SCLT1: variants seen among roughly 807,000 people sequenced by gnomAD.
SCLT1 encodes the protein sodium channel and clathrin linker 1, also known as sodium channel-associated protein 1.
Under a neutral mutation model 112.8 loss-of-function variants are expected in SCLT1, and 78 were observed. The observed-to-expected ratio is 0.69, with a 90% CI of 0.58 to 0.83. The LOEUF is 0.83. SCLT1 is among the 40% of genes least tolerant of loss of function. The probability of loss-of-function intolerance (pLI) is 0.00; values close to 1 mark genes in which losing one functional copy is unlikely to be tolerated. For missense variants in SCLT1, 747 were observed against 770.4 expected, an observed-to-expected ratio of 0.97 and a Z score of 0.36; for synonymous variants, 257 against 254.7, an observed-to-expected ratio of 1.01 and a Z score of -0.09.
At chr4:128,923,444 C>CAA (rs35945474) in intron 18 of SCLT1, among the ~76,000 whole-genome samples, 1,385 of 80,708 alleles carry the variant, frequency 0.017, 50 homozygotes, top group African/African-American at 0.041. Flanking sequence ...GACTCCATCT[C>CAA]AAAAAAAAAA....
At position 129,093,513 on chromosome 4, in the gene SCLT1, G is replaced by A. The variant is rs1186923700; in HGVS notation, c.-410C>T. The A allele has an allele frequency of 5.4e-6, 1 of 185,220 alleles. No homozygotes were observed. The highest frequency in any genetic ancestry group is 2.3e-5 in the African/African-American group (1 of 42,654). 11.5% of individuals were successfully genotyped at this position (185,220 alleles called of 1,614,324 possible). On this transcript the variant is annotated 5_prime_UTR_variant, in exon 1 of 21. Transcript: ENST00000281142. Reference sequence around the variant, plus strand: ...GGAGAGGACAACGCCAAGACGGCTGGGAAGCCCCAGGCCAGCAGCGGAAGT... The same window carrying A: ...GGAGAGGACAACGCCAAGACGGCTGAGAAGCCCCAGGCCAGCAGCGGAAGT...
At chr4:129,055,720 G>A (rs1256798947) in intron 2 of SCLT1, among the ~76,000 whole-genome samples, 1 of 152,032 alleles carries the variant, frequency 6.6e-6, no homozygotes, top group East Asian at 1.9e-4. Flanking sequence ...CCATGGGAGT[G>A]GGACTCACTG....
intron 5 of SCLT1, among the ~76,000 whole-genome samples, chr4:129,013,711 C>T (rs1322047197): frequency 6.6e-6 from 1 of 152,090 alleles, no homozygotes; most frequent in East Asian, 1.9e-4. Context: ...TAGGTGACCT[C>T]ATCTTTCTCT....
At chr4:129,087,446 C>T (rs1752488730) in intron 1 of SCLT1, among the ~76,000 whole-genome samples, 1 of 151,118 alleles carries the variant, frequency 6.6e-6, no homozygotes, top group African/African-American at 2.4e-5. Flanking sequence ...ATGAGGCTGG[C>T]ATTACCTGAT....
rs76710978 is a variant in SCLT1, at chr4:129,072,096, A to C, written c.102+10210T>G. Reference sequence around the variant, plus strand: ...GATGCTTAGTTTAGCTAGATATAAAATCTTGGCTGATAATTGTTTTGTCCG... The same window carrying C: ...GATGCTTAGTTTAGCTAGATATAAACTCTTGGCTGATAATTGTTTTGTCCG... On this transcript the variant is annotated intron_variant, in intron 2 of 20. Coordinates refer to ENST00000281142, the MANE Select transcript of SCLT1 (RefSeq NM_144643.4). Among the ~76,000 whole-genome samples the C allele has an allele frequency of 8.0e-3, 1,211 of 152,276 alleles. 15 individuals are homozygous for C. The highest frequency in any genetic ancestry group is 0.028 in the African/African-American group (1,162 of 41,572).
In SCLT1 at chr4:129,054,322, T is replaced by A. The variant is rs184400011; in HGVS notation, c.103-10271A>T. 5.0e-3 allele frequency among the ~76,000 whole-genome samples: 768 copies of A among 152,316 alleles called. 10 individuals are homozygous for A. Among genetic ancestry groups the A allele is most frequent in the African/African-American group, 0.017 (701 of 41,568 alleles). ...CCTTGCTAGGTTGGAGAAGTTCTCC[T>A]GGATAATATCCTGAAGAGTGTTTTC... is the stretch of plus-strand genomic sequence containing the variant. On this transcript the variant is annotated intron_variant, in intron 2 of 20. Transcript: ENST00000281142.
At chr4:129,015,763 C>A (rs1219739347) in intron 5 of SCLT1, among the ~76,000 whole-genome samples, 1 of 152,106 alleles carries the variant, frequency 6.6e-6, no homozygotes, top group African/African-American at 2.4e-5. Flanking sequence ...TCACCCATTC[C>A]CCCGGAGCCA....
At chr4:129,003,010 A>G (rs948912798) in intron 6 of SCLT1, among the ~76,000 whole-genome samples, 1 of 152,192 alleles carries the variant, frequency 6.6e-6, no homozygotes, top group African/African-American at 2.4e-5. Context: ...TACTATTCAC[A>G]ATAGCAAAGA....
intron 16 of SCLT1, among the ~76,000 whole-genome samples, chr4:128,943,780 T>C (rs996073006): frequency 6.6e-6 from 1 of 152,142 alleles, no homozygotes; most frequent in African/African-American, 2.4e-5. Context: ...TTAATGTTGC[T>C]TCAAATCAAT....
intron 9 of SCLT1, among the ~76,000 whole-genome samples, chr4:128,974,117 G>A (rs1740942438): frequency 6.6e-6 from 1 of 152,024 alleles, no homozygotes; most frequent in African/African-American, 2.4e-5. Flanking sequence ...ACATATTAAA[G>A]CATTTAATAA....
In SCLT1 at chr4:129,050,098, C is replaced by T. The variant is rs183552158; in HGVS notation, c.103-6047G>A. Among the ~76,000 whole-genome samples the T allele has an allele frequency of 5.8e-4, 89 of 152,200 alleles. 1 individual carries two copies. In the East Asian group the frequency reaches 0.013, roughly 22 times the overall value. On this transcript the variant is annotated intron_variant, in intron 2 of 20. Coordinates refer to ENST00000281142, the MANE Select transcript of SCLT1 (RefSeq NM_144643.4). Reference sequence around the variant, plus strand: ...TCTTTTTTATGGCTGCATAGTATTCCGTGGTGTATATGTGCCCCATTTTCT... The same window carrying T: ...TCTTTTTTATGGCTGCATAGTATTCTGTGGTGTATATGTGCCCCATTTTCT...
chr4:129,090,829 C>T lies in SCLT1; in HGVS notation c.34+2241G>A, dbSNP rs773022040. Among the ~76,000 whole-genome samples the T allele has an allele frequency of 4.2e-4, 64 of 152,208 alleles. 1 individual carries two copies. The highest frequency in any genetic ancestry group is 1.2e-4 in the Non-Finnish European group (8 of 68,046). On this transcript the variant is annotated intron_variant, in intron 1 of 20. Coordinates refer to ENST00000281142, the MANE Select transcript of SCLT1 (RefSeq NM_144643.4). ...GCACAGCAAATATGCTACAAGCTTACTCTACTAGTAGCCTGGTTGAGTGTG... is the reference window on the plus strand; with the variant it reads ...GCACAGCAAATATGCTACAAGCTTATTCTACTAGTAGCCTGGTTGAGTGTG...
chr4:128,927,094 A>T (rs986387379), intron 18 of SCLT1, among the ~76,000 whole-genome samples: 1 of 152,128 alleles, frequency 6.6e-6, no homozygotes, highest in Non-Finnish European at 1.5e-5. Flanking sequence ...AAATCCCAAT[A>T]TATTTTGAAT....
chr4:128,898,497 C>T (rs994331470), intron 18 of SCLT1, among the ~76,000 whole-genome samples: 3 of 151,902 alleles, frequency 2.0e-5, no homozygotes, highest in African/African-American at 7.3e-5. Context: ...CACAACATAC[C>T]AGAATCTCTG....
intron 18 of SCLT1, among the ~76,000 whole-genome samples, chr4:128,930,648 TGGC>T (rs2125974648): frequency 6.6e-6 from 1 of 152,294 alleles, no homozygotes; most frequent in African/African-American, 2.4e-5. Context: ...GAGTCAAAGA[TGGC>T]TATAAGGTTT....
intron 19 of SCLT1, among the ~76,000 whole-genome samples, chr4:128,889,722 A>T (rs965492641): frequency 2.0e-5 from 3 of 152,248 alleles, no homozygotes; most frequent in Non-Finnish European, 4.4e-5. Flanking sequence ...CTCCACACTT[A>T]CTAGCCTGGT....
At chr4:128,881,821 G>GA (rs1451161948), downstream of SCLT1, among the ~76,000 whole-genome samples, 3 of 152,012 alleles carry the variant, frequency 2.0e-5, no homozygotes, top group African/African-American at 7.2e-5. Flanking sequence ...TTTCTGAAAA[G>GA]AAAAAAACCA....
chr4:129,074,230 C>G (rs1751267156), intron 2 of SCLT1, among the ~76,000 whole-genome samples: 2 of 152,120 alleles, frequency 1.3e-5, no homozygotes, highest in South Asian at 4.1e-4. Flanking sequence ...CACTAAAGCA[C>G]TTGGCATAAT....
chr4:128,968,021 C>T (rs1049077253), intron 10 of SCLT1, among the ~76,000 whole-genome samples: 1 of 152,136 alleles, frequency 6.6e-6, no homozygotes, highest in African/African-American at 2.4e-5. Context: ...TCTATTGCTA[C>T]TTTCAGGTAT....
Sources: allele counts gnomAD v4.1 joint callset (sites outside exome capture counted in the v4.1 genomes callset), GRCh38; gene constraint gnomAD v4.1.1; transcripts MANE v1.5; gene names NCBI Gene and HGNC (gene_info 2026-07-23, HGNC 2026-07-21).